Variants in ART3 observed in about 807,000 individuals in gnomAD.
The protein encoded by ART3 is ADP-ribosyltransferase 3 (inactive).
In ART3, 49 loss-of-function variants were observed where a neutral mutation model predicts 48.5. The ratio of observed to expected loss-of-function variants is 1.01; its 90% CI spans 0.80 to 1.28. The LOEUF (loss-of-function observed/expected upper bound fraction) is 1.28, where lower values mean the gene tolerates loss of function less well. Among genes scored for constraint, ART3 ranks in the 50% most tolerant of loss-of-function variants. The probability of loss-of-function intolerance (pLI) is 0.00; values close to 1 mark genes in which losing one functional copy is unlikely to be tolerated. For synonymous variants in ART3, 145 were observed against 157.2 expected (o/e 0.92, Z 0.58); for missense variants, 438 against 454.3 (o/e 0.96, Z 0.33).
chr4:76,053,832 A>G (rs6834223), intron 1 of ART3, among the ~76,000 whole-genome samples: 47,349 of 152,018 alleles, frequency 0.31, 8,362 homozygotes, highest in African/African-American at 0.45. Context: ...AGTGGGTTGT[A>G]CAAAACAACT....
chr4:76,043,368 G>A (rs562025942), intron 1 of ART3, among the ~76,000 whole-genome samples: 3 of 152,098 alleles, frequency 2.0e-5, no homozygotes, highest in African/African-American at 4.8e-5. Context: ...AGGGAGGCTC[G>A]GGCCACACAG....
chr4:76,086,819 A>T (rs983744409), intron 3 of ART3, among the ~76,000 whole-genome samples: 2 of 152,334 alleles, frequency 1.3e-5, no homozygotes, highest in South Asian at 4.1e-4. Flanking sequence ...AGACGAGCTC[A>T]TGGGAACTGA....
chr4:76,068,024 A>G (rs1719912924), intron 1 of ART3, among the ~76,000 whole-genome samples: 1 of 152,122 alleles, frequency 6.6e-6, no homozygotes, highest in African/African-American at 2.4e-5. Context: ...CTCTTTCCTC[A>G]TCATTCATGG....
chr4:76,032,940 T>C (rs944461661), intron 1 of ART3, among the ~76,000 whole-genome samples: 3 of 151,954 alleles, frequency 2.0e-5, no homozygotes, highest in Admixed American at 2.0e-4. Flanking sequence ...CATCTCTATA[T>C]AGATATTTAT....
At chr4:76,057,143 T>C (rs1422108967) in intron 1 of ART3, among the ~76,000 whole-genome samples, 1 of 152,210 alleles carries the variant, frequency 6.6e-6, no homozygotes, top group Non-Finnish European at 1.5e-5. Context: ...CAGTATGTTG[T>C]ATCAGGGTTC....
chr4:76,089,631 A>T (rs539927295), intron 3 of ART3, among the ~76,000 whole-genome samples: 3 of 152,268 alleles, frequency 2.0e-5, no homozygotes, highest in Non-Finnish European at 2.9e-5. Context: ...CCAGTCTCAG[A>T]TATTTCTTTA....
At chr4:76,043,393 G>A (rs949527145) in intron 1 of ART3, among the ~76,000 whole-genome samples, 1 of 152,006 alleles carries the variant, frequency 6.6e-6, no homozygotes, top group African/African-American at 2.4e-5. Context: ...CCATGGAGGG[G>A]GTGGGAGGCT....
At chr4:76,103,114 C>T (rs1727696799) in intron 8 of ART3, among the ~76,000 whole-genome samples, 1 of 152,062 alleles carries the variant, frequency 6.6e-6, no homozygotes, top group African/African-American at 2.4e-5. Flanking sequence ...AGTTCTTATT[C>T]TCGTCCTTAG....
At position 76,082,493 on chromosome 4, in the gene ART3, A is replaced by G. The variant is rs1369263807; in HGVS notation, c.739A>G (p.Ile247Val). Reference sequence around the variant, plus strand: ...TGGCAATAACCTTATCCTTCAAAGCATAAACAAGACCTGCAGCCATTATGA... The same window carrying G: ...TGGCAATAACCTTATCCTTCAAAGCGTAAACAAGACCTGCAGCCATTATGA... ...GAGNNLILQS[I>V]NKTCSHYECA... Residue 247 changes from isoleucine (I) to valine (V), a missense_variant, in exon 3 of 12, where the codon ATA becomes GTA. By Grantham distance (29) the Ile-to-Val change is conservative. Around this residue, in one of 3 missense-constraint regions of ART3, gnomAD observed 227 missense variants for 229.6 expected, o/e 0.99. Transcript: ENST00000355810. The G allele has an allele frequency of 6.2e-7, 1 of 1,607,284 alleles. No individual in the cohort carries two copies. The highest frequency in any genetic ancestry group is 1.1e-5 in the South Asian group (1 of 90,042).
intron 1 of ART3, among the ~76,000 whole-genome samples, chr4:76,052,858 T>G (rs1197352497): frequency 6.6e-6 from 1 of 151,998 alleles, no homozygotes; most frequent in Non-Finnish European, 1.5e-5. Flanking sequence ...CCTCCCAAGT[T>G]GCTAGGATTA....
In ART3 at chr4:76,038,771, G is replaced by GC. The variant is rs1203001176; in HGVS notation, c.-10+27451_-10+27452insC. Among the ~76,000 whole-genome samples the GC allele has an allele frequency of 1.9e-4, 29 of 152,144 alleles. 1 individual carries two copies. The South Asian group carries it at 5.6e-3, about 29-fold the overall frequency. On this transcript the variant is annotated intron_variant, in intron 1 of 9. Coordinates refer to the ART3 transcript ENST00000341029. ...GGATTCTTGCTCTGTAGCCCAGGCT[G>GC]GAGTGCAGTGGTGTGATCTCGACTC...
chr4:76,070,886 C>A (rs75087755), upstream of ART3, among the ~76,000 whole-genome samples: 6,429 of 151,990 alleles, frequency 0.042, 193 homozygotes, highest in South Asian at 0.14. Context: ...ATTAGATGAA[C>A]CTCTCCTGCT....
At chr4:76,018,261 A>C (rs769922424) in intron 1 of ART3, among the ~76,000 whole-genome samples, 1 of 152,236 alleles carries the variant, frequency 6.6e-6, no homozygotes, top group Non-Finnish European at 1.5e-5. Context: ...AATACTAAAA[A>C]AGAACAAAAT....
chr4:76,084,055 T>C (rs903741842), intron 3 of ART3, among the ~76,000 whole-genome samples: 1 of 152,292 alleles, frequency 6.6e-6, no homozygotes, highest in Non-Finnish European at 1.5e-5. Context: ...TTTTTTTGTT[T>C]GTTTCCTTAG....
chr4:76,112,462 TG>T lies in ART3; in HGVS notation c.1116del (p.Met373TrpfsTer5). The T allele has an allele frequency of 6.2e-7, 1 of 1,614,176 alleles. No individual in the cohort carries two copies. Among genetic ancestry groups the T allele is most frequent in the South Asian group, 1.1e-5 (1 of 91,086 alleles). On this transcript the variant is annotated frameshift_variant, in exon 12 of 12. Coordinates refer to ENST00000355810, the MANE Select transcript of ART3 (RefSeq NM_001130016.3). LOFTEE classifies it low-confidence loss of function (END_TRUNC). ...SSGKLLLPQF[G>X]MVIILISVSA... ...CGGGCAAACTGCTGCTTCCACAGTT[TG>T]GGATGGTCATCATTTTAATCAGTGT...
chr4:76,086,604 T>G (rs1723636124), intron 3 of ART3, among the ~76,000 whole-genome samples: 1 of 152,234 alleles, frequency 6.6e-6, no homozygotes, highest in Non-Finnish European at 1.5e-5. Context: ...TTAGCTCTCT[T>G]GCTACATATA....
chr4:76,086,569 A>G (rs1723622517), intron 3 of ART3, among the ~76,000 whole-genome samples: 1 of 152,210 alleles, frequency 6.6e-6, no homozygotes, highest in Admixed American at 6.5e-5. Flanking sequence ...AGTCAGTAAA[A>G]TTGTATTTTA....
intron 11 of ART3, among the ~76,000 whole-genome samples, chr4:76,111,009 C>T (rs56670659): frequency 0.13 from 19,976 of 151,982 alleles, 1,527 homozygotes; most frequent in East Asian, 0.34. Flanking sequence ...TCAAAAGAAA[C>T]GTAAATGTAA....
intron 8 of ART3, among the ~76,000 whole-genome samples, chr4:76,102,083 G>T (rs907945793): frequency 6.6e-6 from 1 of 152,168 alleles, no homozygotes; most frequent in African/African-American, 2.4e-5. Flanking sequence ...CATAGAATAA[G>T]CATTCATTGA....
Sources: allele counts gnomAD v4.1 joint callset (sites outside exome capture counted in the v4.1 genomes callset), GRCh38; gene constraint gnomAD v4.1.1; regional missense constraint gnomAD v4.1.1; transcripts MANE v1.5; gene names NCBI Gene and HGNC (gene_info 2026-07-23, HGNC 2026-07-21).